The following ZNF503 variants were observed in gnomAD, a reference collection of about 807,000 sequenced individuals.
ZNF503 encodes the protein zinc finger protein 503, also known as NocA-like zinc finger 2.
Under a neutral mutation model 34.4 loss-of-function variants are expected in ZNF503, and 15 were observed. That is an observed-to-expected ratio of 0.44 (90% CI 0.29 to 0.67). The LOEUF (loss-of-function observed/expected upper bound fraction) is 0.67. Ranked by LOEUF, ZNF503 falls within the 30% of genes least tolerant of loss-of-function variation. ZNF503 has a pLI of 0.13. For synonymous variants in ZNF503, 580 were observed against 456.8 expected (o/e 1.27, Z -3.44); for missense variants, 1,007 against 926.8 (o/e 1.09, Z -1.12).
chr10:75,392,054 G>T, the ZNF503 span, among the ~76,000 whole-genome samples: 10 of 152,196 alleles, frequency 6.6e-5, no homozygotes, highest in Admixed American at 1.3e-4. Flanking sequence ...TGTGTTGCTG[G>T]TAATGAGGAA....
At chr10:75,304,711 C>T in the ZNF503 span, among the ~76,000 whole-genome samples, 2 of 151,940 alleles carry the variant, frequency 1.3e-5, no homozygotes, top group Non-Finnish European at 2.9e-5. Flanking sequence ...TTTAGAAAGC[C>T]TCAATAAAGA....
the ZNF503 span, among the ~76,000 whole-genome samples, chr10:75,341,814 T>C: frequency 1.3e-5 from 2 of 152,168 alleles, no homozygotes; most frequent in Non-Finnish European, 2.9e-5. Context: ...ACTAAGTTTG[T>C]GCAAGCCTAA....
chr10:75,376,272 C>T, the ZNF503 span, among the ~76,000 whole-genome samples: 2 of 152,142 alleles, frequency 1.3e-5, no homozygotes, highest in Admixed American at 1.3e-4. Flanking sequence ...CCAATGTTTC[C>T]CACCTACACC....
At chr10:75,299,627 C>T in the ZNF503 span, among the ~76,000 whole-genome samples, 39 of 152,092 alleles carry the variant, frequency 2.6e-4, no homozygotes, top group African/African-American at 8.5e-4. Flanking sequence ...CAATATTTCA[C>T]GTAGGTTCTT....
chr10:75,399,274 C>G lies in ZNF503; in HGVS notation c.1416G>C (p.Thr472=). Residue 472 remains threonine, a synonymous_variant, in exon 2 of 2, where the codon ACG becomes ACC. Transcript: ENST00000372524. ...LKSGYPLVYP[T]HPLHGVHSSL... ...AGGAGTGCACACCGTGCAGCGGGTG[C>G]GTGGGGTACACCAGCGGGTATCCGG... The G allele has an allele frequency of 6.3e-7, 1 of 1,599,126 alleles. No individual in the cohort carries two copies. The highest frequency in any genetic ancestry group is 1.7e-5 in the Admixed American group (1 of 58,450).
the ZNF503 span, among the ~76,000 whole-genome samples, chr10:75,317,569 G>A: frequency 6.6e-6 from 1 of 151,958 alleles, no homozygotes; most frequent in Non-Finnish European, 1.5e-5. Flanking sequence ...ACAGGCATGA[G>A]CCACTGCTCC....
downstream of ZNF503, among the ~76,000 whole-genome samples, chr10:75,395,271 A>G (rs1306309726): frequency 6.6e-6 from 1 of 152,208 alleles, no homozygotes; most frequent in Non-Finnish European, 1.5e-5. This position sits in a 1 kb window ranked among gnomAD's most constrained non-coding sequence, Gnocchi z 4.4. Flanking sequence ...AACGAGGAGG[A>G]AACAAGCGCA....
chr10:75,298,877 G>T, the ZNF503 span: 1 of 151,642 alleles, frequency 6.6e-6, no homozygotes, highest in African/African-American at 2.4e-5. Flanking sequence ...ACCTGCCTTG[G>T]CTTCCCAGAG....
chr10:75,331,671 A>T, the ZNF503 span, among the ~76,000 whole-genome samples: 884 of 152,170 alleles, frequency 5.8e-3, 8 homozygotes, highest in African/African-American at 0.02. Flanking sequence ...TTTGGCTAAG[A>T]TCAAATGTAG....
chr10:75,374,546 C>T, the ZNF503 span, among the ~76,000 whole-genome samples: 3 of 152,112 alleles, frequency 2.0e-5, no homozygotes, highest in South Asian at 2.1e-4. Context: ...AATTCTTACC[C>T]GAAGGTCAGA....
rs1419560378 is a variant in ZNF503 at position 75,399,732 on chromosome 10, C to T, written c.958G>A (p.Gly320Ser). 4.4e-6 allele frequency: 7 copies of T among 1,595,356 alleles called. No homozygotes were observed. Among genetic ancestry groups the T allele is most frequent in the Non-Finnish European group, 6.0e-6 (7 of 1,176,096 alleles). Residue 320 changes from glycine to serine, a missense_variant, in exon 2 of 2, where the codon GGC becomes AGC. By Grantham distance (56) the Gly-to-Ser change is moderately conservative (BLOSUM62 0). Transcript: ENST00000372524. ...GAGGTGGGCGCGCTGGGGCCGGAGC[C>T]GGAGCTGGAGCCCGATGAACCGCCG... ...DCGGSSGSSSGSGPSAPTSSS... is the reference protein window; with the variant it reads ...DCGGSSGSSSSSGPSAPTSSS...
chr10:75,300,380 G>GCTCTA, the ZNF503 span, among the ~76,000 whole-genome samples: 2 of 152,068 alleles, frequency 1.3e-5, no homozygotes, highest in Non-Finnish European at 2.9e-5. Flanking sequence ...TGCAGTTAAC[G>GCTCTA]CAATCATCAC....
At chr10:75,284,815 T>A in the ZNF503 span, among the ~76,000 whole-genome samples, 2 of 152,194 alleles carry the variant, frequency 1.3e-5, no homozygotes, top group Non-Finnish European at 2.9e-5. Context: ...TACTATTAGC[T>A]GGGGTTACTG....
the ZNF503 span, among the ~76,000 whole-genome samples, chr10:75,367,406 C>T: frequency 1.3e-5 from 2 of 152,198 alleles, no homozygotes; most frequent in East Asian, 1.9e-4. Context: ...CACAATGGCG[C>T]TCCGGAGACT....
chr10:75,349,274 T>A, the ZNF503 span, among the ~76,000 whole-genome samples: 1 of 152,228 alleles, frequency 6.6e-6, no homozygotes. Context: ...CTTCAGTCTT[T>A]TTTAATGTAG....
chr10:75,395,830 T>A (rs1411299883), downstream of ZNF503, among the ~76,000 whole-genome samples: 2 of 152,040 alleles, frequency 1.3e-5, no homozygotes, highest in Non-Finnish European at 2.9e-5. The surrounding 1 kb of genome is among the most constrained non-coding windows in gnomAD (Gnocchi z 4.4). Context: ...TGGTTTTGGG[T>A]TGTGTTGATA....
At position 75,401,169 on chromosome 10, in the gene ZNF503, G is replaced by C; in HGVS notation, c.251C>G (p.Thr84Ser). Residue 84 changes from threonine to serine, a missense_variant, in exon 1 of 2, where the codon ACT becomes AGT. Thr to Ser is a moderately conservative substitution (Grantham distance 58). Coordinates refer to ENST00000372524, the MANE Select transcript of ZNF503 (RefSeq NM_032772.6). ...IKVLKMLTAR[T>S]GHILHPEYLQ... ...GTACTCGGGGTGCAAAATGTGGCCA[G>C]TTCGTGCCGTCAGCATCTTCAGCAC... 1 of 1,611,576 alleles carries C rather than the reference G, an allele frequency of 6.2e-7. No homozygotes were observed. Among genetic ancestry groups the C allele is most frequent in the Admixed American group, 1.7e-5 (1 of 59,816 alleles).
chr10:75,396,909 G>A (rs750633799), downstream of ZNF503, among the ~76,000 whole-genome samples: 1 of 151,798 alleles, frequency 6.6e-6, no homozygotes, highest in Non-Finnish European at 1.5e-5. The surrounding 1 kb of genome is among the most constrained non-coding windows in gnomAD (Gnocchi z 4.4). Flanking sequence ...TCTGTCCTGC[G>A]GCCCAAGCTG....
the ZNF503 span, among the ~76,000 whole-genome samples, chr10:75,331,990 C>T: frequency 5.9e-5 from 9 of 151,814 alleles, no homozygotes; most frequent in Middle Eastern, 3.4e-3. Flanking sequence ...CTTCTGCTTG[C>T]TTCTGGTTTC....
Sources: allele counts gnomAD v4.1 joint callset (sites outside exome capture counted in the v4.1 genomes callset), GRCh38; gene constraint gnomAD v4.1.1; non-coding constraint Gnocchi (gnomAD v3.1); transcripts MANE v1.5; gene names NCBI Gene and HGNC (gene_info 2026-07-23, HGNC 2026-07-21).